ZNF568: variants seen among roughly 807,000 people sequenced by gnomAD.
ZNF568 encodes zinc finger protein 568.
Under a neutral mutation model 18.1 loss-of-function variants are expected in ZNF568, and 11 were observed. That is an observed-to-expected ratio of 0.61 (90% CI 0.38 to 1.00). The LOEUF (loss-of-function observed/expected upper bound fraction) is 1.00, where lower values mean the gene tolerates loss of function less well. ZNF568 is among the 50% of genes least tolerant of loss of function. ZNF568 has a pLI of 0.01. For synonymous variants in ZNF568, 213 were observed against 246.6 expected (o/e 0.86, Z 1.28); for missense variants, 639 against 768.2 (o/e 0.83, Z 1.99).
rs1376519195 is a variant in ZNF568 at position 36,970,338 on chromosome 19, TTTC to T, written c.359-4079_359-4077del. On this transcript the variant is annotated intron_variant, in intron 6 of 7. Transcript: ENST00000427117. ...TTTCTTTTGGCCTGTCTTTATTGAA[TTTC>T]TTTTCTTTTCTTTTCTTTCTTTTGG... 3.2e-5 allele frequency among the ~76,000 whole-genome samples: 4 copies of T among 125,290 alleles called. 1 individual carries two copies. Among genetic ancestry groups the T allele is most frequent in the Non-Finnish European group, 7.0e-5 (4 of 57,430 alleles). The allele number at this position is 125,290 out of a possible 152,430, so 82.2% of individuals were successfully genotyped here.
At chr19:36,987,144 ATGCAGTG>A (rs1301825923) in intron 2 of ZNF568, among the ~76,000 whole-genome samples, 1 of 152,326 alleles carries the variant, frequency 6.6e-6, no homozygotes, top group South Asian at 2.1e-4. Flanking sequence ...TGTCCTTGAG[ATGCAGTG>A]TGCAGTGTGC....
At chr19:36,926,349 A>G (rs968568911) in intron 4 of ZNF568, among the ~76,000 whole-genome samples, 2 of 152,208 alleles carry the variant, frequency 1.3e-5, no homozygotes, top group African/African-American at 4.8e-5. Flanking sequence ...CATGAAATAT[A>G]CACACATACT....
intron 4 of ZNF568, among the ~76,000 whole-genome samples, chr19:36,933,420 G>GT (rs144345652): frequency 6.6e-6 from 1 of 151,068 alleles, no homozygotes; most frequent in Non-Finnish European, 1.5e-5. Context: ...TTTGGTTGTT[G>GT]TTGTTTGTTT....
intron 6 of ZNF568, among the ~76,000 whole-genome samples, chr19:36,960,870 G>A (rs759418276): frequency 2.0e-5 from 3 of 151,346 alleles, no homozygotes; most frequent in Non-Finnish European, 4.4e-5. Flanking sequence ...GTTTTATTCC[G>A]TTGTGGTCTA....
At chr19:36,937,348 CT>C (rs2073808700) in intron 6 of ZNF568, 106 bp downstream of exon 6, 4 of 806,074 alleles carry the variant, frequency 5.0e-6, no homozygotes, top group Admixed American at 5.6e-5. Context: ...AGGCCTTATT[CT>C]TCTAGAGTGA....
At chr19:36,985,159 G>T (rs1644670) in intron 2 of ZNF568, among the ~76,000 whole-genome samples, 81,159 of 151,978 alleles carry the variant, frequency 0.53, 22,190 homozygotes, top group African/African-American at 0.62. Context: ...TTTATACCTT[G>T]CAGTCCAGTA....
At chr19:36,984,592 G>A (rs1350002410), downstream of ZNF568, among the ~76,000 whole-genome samples, 1 of 151,496 alleles carries the variant, frequency 6.6e-6, no homozygotes, top group Admixed American at 6.6e-5. Flanking sequence ...CGACTTTCTT[G>A]GTTCACCATT....
downstream of ZNF568, among the ~76,000 whole-genome samples, chr19:36,955,631 CAT>C (rs1465137482): frequency 6.6e-6 from 1 of 152,174 alleles, no homozygotes; most frequent in East Asian, 1.9e-4. Flanking sequence ...CCTGGACACA[CAT>C]GAGTTACTGC....
chr19:36,968,861 C>CTTTT (rs111450122), intron 6 of ZNF568, among the ~76,000 whole-genome samples: 2 of 147,608 alleles, frequency 1.4e-5, no homozygotes, highest in Non-Finnish European at 1.5e-5. Context: ...TGAATGAGTT[C>CTTTT]TTTTTTTTTT....
downstream of ZNF568, chr19:36,997,389 G>A: frequency 6.3e-7 from 1 of 1,590,938 alleles, no homozygotes; most frequent in Non-Finnish European, 8.6e-7. Flanking sequence ...ATGAGTGTAA[G>A]GAATGTGAAA....
chr19:36,947,736 C>A (rs908302928), intron 6 of ZNF568, among the ~76,000 whole-genome samples: 3 of 152,184 alleles, frequency 2.0e-5, no homozygotes, highest in African/African-American at 7.2e-5. Flanking sequence ...TGGGCTTTAG[C>A]AACCCTTCCA....
chr19:36,916,859 G>A lies in ZNF568; in HGVS notation c.-256+268G>A, dbSNP rs537708182. 6.6e-6 allele frequency among the ~76,000 whole-genome samples: 1 copy of A among 152,144 alleles called. No individual in the cohort carries two copies. Among genetic ancestry groups the A allele is most frequent in the African/African-American group, 2.4e-5 (1 of 41,506 alleles). On this transcript the variant is annotated intron_variant, in intron 1 of 6. Coordinates refer to ENST00000333987, the MANE Select transcript of ZNF568 (RefSeq NM_198539.4). This position sits in a 1 kb window ranked among gnomAD's most constrained non-coding sequence, Gnocchi z 5.3. The stretch of plus-strand genomic sequence containing the variant: ...TGTAGCATTTGGCACAGTTGGTAAC[G>A]GCTTGAAAAACACTTATTTGTTTTC...
chr19:36,931,147 A>G (rs2073680227), intron 4 of ZNF568, among the ~76,000 whole-genome samples: 1 of 152,136 alleles, frequency 6.6e-6, no homozygotes, highest in African/African-American at 2.4e-5. Flanking sequence ...TTCAGCTGAA[A>G]TGGCACAGCT....
At chr19:36,977,478 C>G (rs550353728) in intron 7 of ZNF568, among the ~76,000 whole-genome samples, 1 of 152,092 alleles carries the variant, frequency 6.6e-6, no homozygotes, top group Non-Finnish European at 1.5e-5. Flanking sequence ...TTAATTCTGG[C>G]CAGTCCTCAA....
In ZNF568 at chr19:36,951,670, C is replaced by CTTTTTTTT. The variant is rs71668344; in HGVS notation, c.*597_*604dup. ...TACGACATACTAAAAAATCAATATT[C>CTTTTTTTT]TTTTTTTTTTTTTTTTTTTTTTGAG... On this transcript the variant is annotated 3_prime_UTR_variant, in exon 7 of 7. Coordinates refer to ENST00000333987, the MANE Select transcript of ZNF568 (RefSeq NM_198539.4). The CTTTTTTTT allele has an allele frequency of 3.6e-5, 4 of 111,690 alleles. No homozygotes were observed. The highest frequency in any genetic ancestry group is 9.6e-5 in the Admixed American group (1 of 10,368). The allele number at this position is 111,690 out of a possible 1,614,324, so 6.9% of individuals were successfully genotyped here.
At chr19:36,917,201 AG>A (rs2073355205) in intron 1 of ZNF568, among the ~76,000 whole-genome samples, 1 of 152,176 alleles carries the variant, frequency 6.6e-6, no homozygotes, top group Non-Finnish European at 1.5e-5. Context: ...TGACGAGTTA[AG>A]ATCTGCGCCG....
chr19:36,985,390 C>T (rs1277608515), intron 2 of ZNF568, among the ~76,000 whole-genome samples: 1 of 152,118 alleles, frequency 6.6e-6, no homozygotes, highest in African/African-American at 2.4e-5. Flanking sequence ...ATTCCTCCTG[C>T]CCCTCAACAT....
At chr19:36,930,274 A>T (rs1437444095) in intron 4 of ZNF568, among the ~76,000 whole-genome samples, 1 of 150,938 alleles carries the variant, frequency 6.6e-6, no homozygotes, top group Admixed American at 6.6e-5. Flanking sequence ...CAATGGCACA[A>T]TCTTGGCTGA....
intron 6 of ZNF568, among the ~76,000 whole-genome samples, chr19:36,945,135 ACT>A (rs1322463877): frequency 4.6e-5 from 7 of 151,974 alleles, no homozygotes; most frequent in Non-Finnish European, 1.0e-4. Context: ...AGTGAAAAAA[ACT>A]CAGCGTAGAG....
Sources: allele counts gnomAD v4.1 joint callset (sites outside exome capture counted in the v4.1 genomes callset), GRCh38; gene constraint gnomAD v4.1.1; non-coding constraint Gnocchi (gnomAD v3.1); transcripts MANE v1.5; gene names NCBI Gene and HGNC (gene_info 2026-07-23, HGNC 2026-07-21).